Variants in SCHIP1 observed in about 807,000 individuals in gnomAD.
The protein encoded by SCHIP1 is schwannomin interacting protein 1, also known as schwannomin-interacting protein 1.
In SCHIP1, 8 loss-of-function variants were observed where a neutral mutation model predicts 29.7. That is an observed-to-expected ratio of 0.27 (90% CI 0.16 to 0.49). The LOEUF is 0.49. Among genes scored for constraint, SCHIP1 ranks in the 20% least tolerant of loss-of-function variants. SCHIP1 has a pLI of 0.99. For missense variants in SCHIP1, 193 were observed against 294.6 expected (o/e 0.66, Z 2.52); for synonymous variants, 76 against 94.9 (o/e 0.80, Z 1.16).
the SCHIP1 span, among the ~76,000 whole-genome samples, chr3:159,291,333 A>G: frequency 6.6e-6 from 1 of 152,162 alleles, no homozygotes; most frequent in South Asian, 2.1e-4. Flanking sequence ...ACACTCTTTA[A>G]AAATATGTGA....
At chr3:159,775,588 C>A in the SCHIP1 span, among the ~76,000 whole-genome samples, 2 of 152,238 alleles carry the variant, frequency 1.3e-5, no homozygotes, top group African/African-American at 2.4e-5. Context: ...AGTGGCTCAT[C>A]TAGCACAGGG....
chr3:159,626,260 A>C, the SCHIP1 span, among the ~76,000 whole-genome samples: 4 of 107,108 alleles, frequency 3.7e-5, no homozygotes, highest in Non-Finnish European at 8.1e-5. Context: ...ATATAGATAG[A>C]TAGATAGATA....
chr3:159,683,948 G>C, the SCHIP1 span, among the ~76,000 whole-genome samples: 2 of 151,912 alleles, frequency 1.3e-5, no homozygotes, highest in African/African-American at 4.8e-5. Context: ...ATTAATCATG[G>C]TTTTAATTTT....
chr3:159,573,946 G>T, the SCHIP1 span, among the ~76,000 whole-genome samples: 1 of 152,158 alleles, frequency 6.6e-6, no homozygotes, highest in African/African-American at 2.4e-5. Context: ...TCGTGCCATG[G>T]TTTTCAGCTC....
At chr3:159,285,228 T>C in the SCHIP1 span, among the ~76,000 whole-genome samples, 1 of 152,158 alleles carries the variant, frequency 6.6e-6, no homozygotes, top group Non-Finnish European at 1.5e-5. Flanking sequence ...CTTTTTAAGG[T>C]ACAAAGAGTT....
chr3:159,696,589 T>C, the SCHIP1 span, among the ~76,000 whole-genome samples: 2 of 152,162 alleles, frequency 1.3e-5, no homozygotes, highest in Non-Finnish European at 2.9e-5. Context: ...TTTATTCCCA[T>C]GTGTCCTACA....
the SCHIP1 span, among the ~76,000 whole-genome samples, chr3:159,639,131 T>C: frequency 2.0e-5 from 3 of 152,170 alleles, no homozygotes; most frequent in Non-Finnish European, 4.4e-5. Context: ...CAGTTTTGCC[T>C]TTTTCTGTGA....
chr3:159,527,736 G>A, the SCHIP1 span, among the ~76,000 whole-genome samples: 2 of 152,128 alleles, frequency 1.3e-5, no homozygotes, highest in South Asian at 2.1e-4. Flanking sequence ...ATTTGGAGTA[G>A]TTTTTTTGTT....
chr3:159,287,545 C>T, the SCHIP1 span, among the ~76,000 whole-genome samples: 11 of 151,626 alleles, frequency 7.3e-5, no homozygotes, highest in South Asian at 2.1e-4. Context: ...GAGAATAAAC[C>T]GCATTCTATT....
the SCHIP1 span, among the ~76,000 whole-genome samples, chr3:159,302,290 A>G: frequency 6.6e-6 from 1 of 152,136 alleles, no homozygotes; most frequent in African/African-American, 2.4e-5. Context: ...TTAGCAAAGT[A>G]CTTGGTTTCA....
At chr3:159,728,330 T>C in the SCHIP1 span, among the ~76,000 whole-genome samples, 4 of 152,112 alleles carry the variant, frequency 2.6e-5, no homozygotes, top group Non-Finnish European at 5.9e-5. Flanking sequence ...TTGTCCAAGT[T>C]CCAAAAGGCA....
chr3:159,828,477 A>T, the SCHIP1 span, among the ~76,000 whole-genome samples: 1 of 119,086 alleles, frequency 8.4e-6, no homozygotes, highest in Admixed American at 8.6e-5. Flanking sequence ...ATATACACAC[A>T]CATACACATA....
the SCHIP1 span, among the ~76,000 whole-genome samples, chr3:159,781,348 G>A: frequency 6.6e-6 from 1 of 152,192 alleles, no homozygotes; most frequent in Non-Finnish European, 1.5e-5. Flanking sequence ...GCTAGTTTTT[G>A]TATTTTTAGT....
intron 2 of SCHIP1, among the ~76,000 whole-genome samples, chr3:159,868,957 G>C (rs1714945298): frequency 6.6e-6 from 1 of 151,960 alleles, no homozygotes; most frequent in South Asian, 2.1e-4. Flanking sequence ...ACTAACATTT[G>C]ATATTGCCAA....
At chr3:159,596,805 G>T in the SCHIP1 span, among the ~76,000 whole-genome samples, 1 of 151,884 alleles carries the variant, frequency 6.6e-6, no homozygotes, top group Non-Finnish European at 1.5e-5. Context: ...TCATGGGGTG[G>T]GTGGAGGGGG....
At chr3:159,445,797 G>A in the SCHIP1 span, among the ~76,000 whole-genome samples, 1 of 143,968 alleles carries the variant, frequency 6.9e-6, no homozygotes, top group African/African-American at 2.6e-5. Flanking sequence ...AACACTGCAT[G>A]TTCTCACTCA....
the SCHIP1 span, among the ~76,000 whole-genome samples, chr3:159,422,694 T>C: frequency 6.6e-6 from 1 of 152,258 alleles, no homozygotes; most frequent in Non-Finnish European, 1.5e-5. Flanking sequence ...AATGGAATCA[T>C]ACCTATGTAC....
Position 159,884,412 on chromosome 3 carries a change from A to C in SCHIP1, c.150-1795A>C, listed in dbSNP as rs529872379. Among the ~76,000 whole-genome samples the C allele has an allele frequency of 5.4e-5, 8 of 148,280 alleles. 1 individual carries two copies. The highest frequency in any genetic ancestry group is 2.0e-4 in the African/African-American group (8 of 39,950). On this transcript the variant is annotated intron_variant, in intron 2 of 6. Coordinates refer to ENST00000445224, the Ensembl canonical transcript of SCHIP1. ...GTGTTTATGTATGTATGTATATCCA[A>C]TGGATAAAAGTAAAAAGGTGGCAAA...
chr3:159,370,854 G>T, the SCHIP1 span, among the ~76,000 whole-genome samples: 47 of 152,224 alleles, frequency 3.1e-4, no homozygotes, highest in African/African-American at 1.1e-3. Context: ...CAGACTGGGG[G>T]TTATACCATT....
Sources: allele counts gnomAD v4.1 joint callset (sites outside exome capture counted in the v4.1 genomes callset), GRCh38; gene constraint gnomAD v4.1.1; transcripts MANE v1.5; gene names NCBI Gene and HGNC (gene_info 2026-07-23, HGNC 2026-07-21).